THSD4: variants seen among roughly 807,000 people sequenced by gnomAD.
The protein encoded by THSD4 is thrombospondin type-1 domain-containing protein 4.
In THSD4, 69 loss-of-function variants were observed where a neutral mutation model predicts 119.0. The observed-to-expected ratio is 0.58, with a 90% CI of 0.48 to 0.71. The LOEUF (loss-of-function observed/expected upper bound fraction) is 0.71, where lower values mean the gene tolerates loss of function less well. THSD4 is among the 30% of genes least tolerant of loss of function. The pLI, the probability that THSD4 is intolerant of heterozygous loss-of-function variation, is 0.00. For missense variants in THSD4, 1,393 were observed against 1,391.1 expected (o/e 1.00, Z -0.02); for synonymous variants, 524 against 540.4 (o/e 0.97, Z 0.42).
chr15:71,219,228 C>T (rs1457125389), intron 4 of THSD4, among the ~76,000 whole-genome samples: 1 of 152,156 alleles, frequency 6.6e-6, no homozygotes, highest in Non-Finnish European at 1.5e-5. Flanking sequence ...AACCCTGACA[C>T]CCACGTCACA....
chr15:71,169,398 T>C (rs2043330320), intron 3 of THSD4, among the ~76,000 whole-genome samples: 1 of 152,248 alleles, frequency 6.6e-6, no homozygotes, highest in Non-Finnish European at 1.5e-5. Context: ...GCCCATGCTA[T>C]GATCTGGCTA....
At chr15:71,563,931 G>C (rs1403747249) in intron 7 of THSD4, among the ~76,000 whole-genome samples, 3 of 152,148 alleles carry the variant, frequency 2.0e-5, no homozygotes, top group Non-Finnish European at 4.4e-5. Flanking sequence ...TGTTTTGGGG[G>C]TGTGGGGGTG....
intron 6 of THSD4, among the ~76,000 whole-genome samples, chr15:71,392,327 C>CT (rs2046389345): frequency 1.3e-5 from 2 of 152,182 alleles, no homozygotes; most frequent in Admixed American, 1.3e-4. Flanking sequence ...AGTGCCTGTG[C>CT]TTTTACAAGC....
intron 3 of THSD4, among the ~76,000 whole-genome samples, chr15:71,156,051 A>G (rs2040774023): frequency 6.6e-6 from 1 of 152,178 alleles, no homozygotes; most frequent in Admixed American, 6.5e-5. Context: ...AACAAGCCTA[A>G]TGCTGCTCTG....
intron 6 of THSD4, among the ~76,000 whole-genome samples, chr15:71,337,341 G>A (rs2045501626): frequency 6.6e-6 from 1 of 152,226 alleles, no homozygotes; most frequent in Admixed American, 6.5e-5. Context: ...GCCCTTGTGG[G>A]AGCCAGGAGT....
intron 6 of THSD4, among the ~76,000 whole-genome samples, chr15:71,325,658 G>A (rs2045327585): frequency 6.6e-6 from 1 of 151,942 alleles, no homozygotes; most frequent in African/African-American, 2.4e-5. Context: ...TTTGTGCAAT[G>A]GACTGTCAGT....
intron 6 of THSD4, among the ~76,000 whole-genome samples, chr15:71,361,775 A>G (rs1422611420): frequency 6.6e-6 from 1 of 152,244 alleles, no homozygotes; most frequent in African/African-American, 2.4e-5. Context: ...CAAACAAATT[A>G]TATTTCATCC....
intron 7 of THSD4, among the ~76,000 whole-genome samples, chr15:71,558,576 C>T (rs1247742042): frequency 6.6e-6 from 1 of 152,124 alleles, no homozygotes; most frequent in Non-Finnish European, 1.5e-5. Context: ...TGAAGTGATC[C>T]TTCCACCTCA....
intron 2 of THSD4, among the ~76,000 whole-genome samples, chr15:71,146,397 C>T (rs2040661269): frequency 6.6e-6 from 1 of 151,522 alleles, no homozygotes; most frequent in South Asian, 2.1e-4. Flanking sequence ...ATTATTTTTG[C>T]CCCTAATCAT....
intron 7 of THSD4, among the ~76,000 whole-genome samples, chr15:71,445,545 C>G (rs1250174427): frequency 2.6e-5 from 4 of 152,228 alleles, no homozygotes; most frequent in African/African-American, 9.6e-5. Flanking sequence ...CCTCATCTCA[C>G]AACCTCAGAG....
intron 2 of THSD4, among the ~76,000 whole-genome samples, chr15:71,150,167 C>G (rs2141379097): frequency 6.6e-6 from 1 of 152,204 alleles, no homozygotes; most frequent in East Asian, 1.9e-4. Flanking sequence ...GAGCGGTTTG[C>G]CAAAGCAAAC....
chr15:71,632,551 T>C (rs1282268209), intron 7 of THSD4, among the ~76,000 whole-genome samples: 1 of 152,254 alleles, frequency 6.6e-6, no homozygotes, highest in East Asian at 1.9e-4. Context: ...CAGAGAGTGT[T>C]GACTGGCTTT....
chr15:71,614,276 G>T (rs1366897189), intron 7 of THSD4, among the ~76,000 whole-genome samples: 2 of 152,138 alleles, frequency 1.3e-5, no homozygotes, highest in Non-Finnish European at 2.9e-5. Flanking sequence ...TTCCAGCCTG[G>T]ATTCGGCCAC....
At chr15:71,359,343 T>C (rs1278706355) in intron 6 of THSD4, among the ~76,000 whole-genome samples, 1 of 152,248 alleles carries the variant, frequency 6.6e-6, no homozygotes, top group Non-Finnish European at 1.5e-5. Context: ...TCTATTGATA[T>C]AGTACCTTCT....
intron 7 of THSD4, among the ~76,000 whole-genome samples, chr15:71,447,119 T>TTG (rs1566987053): frequency 2.2e-4 from 1 of 4,642 alleles, no homozygotes; most frequent in African/African-American, 4.0e-4. Flanking sequence ...ATTTTTTTTG[T>TTG]TTTTTTTTTT....
intron 7 of THSD4, among the ~76,000 whole-genome samples, chr15:71,447,600 A>G (rs1483614754): frequency 1.3e-5 from 2 of 152,228 alleles, no homozygotes; most frequent in Non-Finnish European, 2.9e-5. Context: ...GTCTTTTAGT[A>G]TCTGTCATAG....
chr15:71,237,132 G>A (rs2044112285), intron 4 of THSD4, among the ~76,000 whole-genome samples: 1 of 152,112 alleles, frequency 6.6e-6, no homozygotes, highest in Non-Finnish European at 1.5e-5. Flanking sequence ...AGGTTGAGTG[G>A]GTAAGCCAAG....
intron 7 of THSD4, among the ~76,000 whole-genome samples, chr15:71,511,196 T>TG (rs1319774662): frequency 6.6e-6 from 1 of 152,112 alleles, no homozygotes; most frequent in African/African-American, 2.4e-5. Flanking sequence ...AGTTGGACTG[T>TG]TTGTGGCCTG....
At chr15:71,402,261 C>A (rs935880717) in intron 6 of THSD4, among the ~76,000 whole-genome samples, 2 of 151,978 alleles carry the variant, frequency 1.3e-5, no homozygotes, top group African/African-American at 4.8e-5. Context: ...GTCTTGCCCT[C>A]TTTCATTATC....
Sources: allele counts gnomAD v4.1 joint callset (sites outside exome capture counted in the v4.1 genomes callset), GRCh38; gene constraint gnomAD v4.1.1; transcripts MANE v1.5; gene names NCBI Gene and HGNC (gene_info 2026-07-23, HGNC 2026-07-21).